ZFHX3: variants seen among roughly 807,000 people sequenced by gnomAD.
ZFHX3 encodes zinc finger homeobox 3.
ZFHX3 carries 42 observed loss-of-function variants against 279.1 expected under a neutral mutation model. The observed-to-expected ratio is 0.15, with a 90% confidence interval of 0.12 to 0.19. The LOEUF (loss-of-function observed/expected upper bound fraction) is 0.19, where lower values mean the gene tolerates loss of function less well. ZFHX3 is among the 10% of genes least tolerant of loss of function. The probability of loss-of-function intolerance (pLI) is 1.00; values close to 1 mark genes in which losing one functional copy is unlikely to be tolerated. For synonymous variants in ZFHX3, 2,293 were observed against 1,957.8 expected (o/e 1.17, Z -4.52); for missense variants, 4,981 against 4,754.0 (o/e 1.05, Z -1.40).
chr16:73,177,158 C>T (rs1239082178), intron 5 of ZFHX3, among the ~76,000 whole-genome samples: 1 of 141,758 alleles, frequency 7.1e-6, no homozygotes, highest in Non-Finnish European at 1.5e-5. Flanking sequence ...CGTCTCAAAA[C>T]CAACCAACCA....
Position 73,309,129 on chromosome 16 carries a change from G to A in ZFHX3, c.-1194+9111C>T, listed in dbSNP as rs1328921343. Among the ~76,000 whole-genome samples, 4 of 152,028 alleles carry A rather than the reference G, an allele frequency of 2.6e-5. No individual in the cohort carries two copies. In the East Asian group the frequency reaches 7.7e-4, roughly 29 times the overall value. On this transcript the variant is annotated intron_variant, in intron 4 of 17. Coordinates refer to the ZFHX3 transcript ENST00000641206. The stretch of plus-strand genomic sequence containing the variant: ...GGCTACATGTGCAGGTTTGTTATAT[G>A]GTAAACTTGTGTCATGGGGATCTGT...
At chr16:73,539,991 A>C (rs2019982835) in intron 2 of ZFHX3, among the ~76,000 whole-genome samples, 1 of 152,238 alleles carries the variant, frequency 6.6e-6, no homozygotes, top group African/African-American at 2.4e-5. Context: ...TGTGCTATGA[A>C]AGCAGAGGTC....
At chr16:73,617,115 G>A (rs1302920260) in intron 2 of ZFHX3, among the ~76,000 whole-genome samples, 1 of 152,186 alleles carries the variant, frequency 6.6e-6, no homozygotes, top group Non-Finnish European at 1.5e-5. Context: ...AATGCACAGA[G>A]TTCTTTCTGC....
At chr16:73,136,952 C>G (rs1407584950) in intron 6 of ZFHX3, among the ~76,000 whole-genome samples, 1 of 150,946 alleles carries the variant, frequency 6.6e-6, no homozygotes, top group Non-Finnish European at 1.5e-5. Context: ...TGTTGCTTAA[C>G]AAACCATAAC....
chr16:72,882,100 C>G (rs1324921647), intron 4 of ZFHX3, among the ~76,000 whole-genome samples: 2 of 152,018 alleles, frequency 1.3e-5, no homozygotes, highest in Non-Finnish European at 2.9e-5. Flanking sequence ...ATGCTCACCC[C>G]TCAACAAATG....
chr16:73,312,810 C>T (rs2015356423), intron 4 of ZFHX3, among the ~76,000 whole-genome samples: 1 of 152,138 alleles, frequency 6.6e-6, no homozygotes, highest in Admixed American at 6.5e-5. Context: ...TACAGCAATG[C>T]CAATAATAGT....
chr16:73,677,276 C>T (rs923004473), intron 2 of ZFHX3, among the ~76,000 whole-genome samples: 1 of 151,834 alleles, frequency 6.6e-6, no homozygotes, highest in African/African-American at 2.4e-5. Flanking sequence ...TAAAATTACT[C>T]TTATAAAAGA....
intron 3 of ZFHX3, among the ~76,000 whole-genome samples, chr16:73,386,516 C>T (rs976271801): frequency 2.6e-5 from 4 of 152,166 alleles, no homozygotes; most frequent in Admixed American, 1.3e-4. Context: ...AATAATATTA[C>T]GGACATAACA....
intron 3 of ZFHX3, among the ~76,000 whole-genome samples, chr16:72,914,949 C>T (rs958566668): frequency 1.3e-5 from 2 of 152,176 alleles, no homozygotes. Context: ...TGAGATCACA[C>T]TACTGCACTC....
chr16:73,391,650 C>A (rs1159521149), intron 3 of ZFHX3, among the ~76,000 whole-genome samples: 1 of 152,042 alleles, frequency 6.6e-6, no homozygotes, highest in Non-Finnish European at 1.5e-5. Flanking sequence ...AGAACACAGA[C>A]TCTAACATAT....
In ZFHX3 at chr16:72,958,160, C is replaced by A; in HGVS notation, c.1986G>T (p.Met662Ile). The A allele has an allele frequency of 6.2e-7, 1 of 1,613,988 alleles. No individual in the cohort carries two copies. Among genetic ancestry groups the A allele is most frequent in the South Asian group, 1.1e-5 (1 of 91,086 alleles). ...GTGTCTTACACGAGTTACGAGAATG[C>A]ATCATGGTCATGTGGCCGCCCAGCG... ...SRSLGGHMTM[M>I]HSRNSCKTLK... The change falls in exon 2 of 10, where the codon ATG becomes ATT. Residue 662 changes from methionine to isoleucine, a missense_variant. Physicochemically the swap from Met to Ile is conservative, Grantham distance 10. Around this residue, in one of 7 missense-constraint regions of ZFHX3, gnomAD observed 1,068 missense variants for 935.2 expected, o/e 1.14. Transcript: ENST00000268489.
intron 8 of ZFHX3, among the ~76,000 whole-genome samples, chr16:73,089,913 C>T (rs1043195476): frequency 9.8e-5 from 15 of 152,316 alleles, no homozygotes; most frequent in African/African-American, 3.6e-4. Context: ...CCCCCAAGCT[C>T]ATCTCCAGTC....
chr16:73,831,670 T>C lies in ZFHX3; in HGVS notation c.-1608+59981A>G, dbSNP rs547040837. ...AATTGGCAATCCCACAACTTTCTCT[T>C]GTAGAACTCTGCCACCAAGAATGAT... On this transcript the variant is annotated intron_variant, in intron 1 of 17. Coordinates refer to the ZFHX3 transcript ENST00000641206. Among the ~76,000 whole-genome samples, 37 of 152,314 alleles carry C rather than the reference T, an allele frequency of 2.4e-4. No homozygotes were observed. The South Asian group carries it at 7.1e-3, about 29-fold the overall frequency.
intron 4 of ZFHX3, among the ~76,000 whole-genome samples, chr16:73,283,986 A>G (rs1220124407): frequency 6.6e-6 from 1 of 151,586 alleles, no homozygotes; most frequent in African/African-American, 2.4e-5. Context: ...GTTTTTATTC[A>G]CTGCAGAAAC....
At chr16:73,507,268 G>A (rs959479914) in intron 2 of ZFHX3, among the ~76,000 whole-genome samples, 12 of 152,234 alleles carry the variant, frequency 7.9e-5, no homozygotes, top group South Asian at 6.2e-4. Flanking sequence ...TAGAACATCC[G>A]GAATAGACTG....
At chr16:73,362,217 G>C (rs111234746) in intron 3 of ZFHX3, among the ~76,000 whole-genome samples, 280 of 152,348 alleles carry the variant, frequency 1.8e-3, no homozygotes, top group Non-Finnish European at 3.5e-3. Flanking sequence ...AGAGGAATTA[G>C]GAGAAACTCA....
intron 6 of ZFHX3, among the ~76,000 whole-genome samples, chr16:73,132,983 G>C (rs1438801956): frequency 6.6e-6 from 1 of 152,192 alleles, no homozygotes; most frequent in Non-Finnish European, 1.5e-5. Flanking sequence ...ACCAAAGAGT[G>C]CTCTGAGTGG....
chr16:72,850,806 T>A (rs1267137382), intron 4 of ZFHX3, among the ~76,000 whole-genome samples: 1 of 149,642 alleles, frequency 6.7e-6, no homozygotes, highest in Non-Finnish European at 1.5e-5. Context: ...TTAAAAAAAA[T>A]AATAAATCAA....
upstream of ZFHX3, chr16:73,048,301 G>A (rs942132130): frequency 3.3e-5 from 5 of 151,878 alleles, no homozygotes; most frequent in Middle Eastern, 3.4e-3. Flanking sequence ...AGTCGTGCCG[G>A]GCGCAGGCCG....
Sources: gnomAD v4.1 joint callset for allele counts (sites outside exome capture counted in the v4.1 genomes callset) on GRCh38, gnomAD v4.1.1 for gene constraint, gnomAD v4.1.1 regional missense constraint, MANE v1.5 for transcripts, NCBI Gene and HGNC (gene_info 2026-07-23, HGNC 2026-07-21) for gene names.